Variants in BANP observed in about 807,000 individuals in gnomAD.
BANP encodes the protein protein BANP.
BANP carries 11 observed loss-of-function variants against 68.1 expected under a neutral mutation model. The ratio of observed to expected loss-of-function variants is 0.16; its 90% CI spans 0.10 to 0.27. The LOEUF (loss-of-function observed/expected upper bound fraction) is 0.27. Among genes scored for constraint, BANP ranks in the 10% least tolerant of loss-of-function variants. The pLI is 1.00. For synonymous variants in BANP, 329 were observed against 303.2 expected (o/e 1.09, Z -0.88); for missense variants, 504 against 722.7 (o/e 0.70, Z 3.47).
chr16:87,952,137 A>T (rs1308938487), intron 1 of BANP: 4 of 152,240 alleles, frequency 2.6e-5, no homozygotes, highest in Admixed American at 6.5e-5. Context: ...GATTTCTGTG[A>T]TCTAGTCCTT....
chr16:88,022,925 C>G (rs1369049852), intron 7 of BANP, among the ~76,000 whole-genome samples: 3 of 152,166 alleles, frequency 2.0e-5, no homozygotes, highest in African/African-American at 7.2e-5. Context: ...TGCAGAGACC[C>G]TAGTTCCCAG....
chr16:88,069,152 C>G (rs901205088), intron 12 of BANP, among the ~76,000 whole-genome samples: 9 of 152,162 alleles, frequency 5.9e-5, no homozygotes, highest in Non-Finnish European at 1.3e-4. Flanking sequence ...GCTGTCGCTG[C>G]GGGACCTCGG....
At position 88,006,120 on chromosome 16, in the gene BANP, T is replaced by A; in HGVS notation, c.510T>A (p.Ile170=). ...TGCCTGGGCGTCGGCAGAACACCAT[T>A]GTGGTGAAGGTGCCGGGCCAAGAAG... ...NAVPGRRQNT[I]VVKVPGQEDS... The change falls in exon 6 of 14, where the codon ATT becomes ATA. Residue 170 remains isoleucine, a synonymous_variant. Coordinates refer to ENST00000682872, the MANE Select transcript of BANP (RefSeq NM_001386991.1). 1 of 1,613,790 alleles carries A rather than the reference T, an allele frequency of 6.2e-7. No individual in the cohort carries two copies. The highest frequency in any genetic ancestry group is 8.5e-7 in the Non-Finnish European group (1 of 1,179,860).
At chr16:88,010,876 C>T (rs1341843422) in intron 6 of BANP, among the ~76,000 whole-genome samples, 4 of 152,222 alleles carry the variant, frequency 2.6e-5, no homozygotes, top group Admixed American at 2.6e-4. Context: ...ACACACCTCG[C>T]AGTGCACGGA....
At chr16:88,046,365 C>T (rs1361495130) in intron 11 of BANP, among the ~76,000 whole-genome samples, 2 of 152,184 alleles carry the variant, frequency 1.3e-5, no homozygotes, top group African/African-American at 2.4e-5. Context: ...ATCTGAACCT[C>T]ATCGCTGTAA....
rs35004805 is a variant in BANP at position 87,998,660 on chromosome 16, A to G, written c.363-5635A>G. On this transcript the variant is annotated intron_variant, in intron 4 of 13. Transcript: ENST00000682872. ...CCTGTCCTTCCAGACACCCAGACAC[A>G]TCTCCATGCATGCACGTGCGCGGCT... Among the ~76,000 whole-genome samples, 264 of 121,744 alleles carry G rather than the reference A, an allele frequency of 2.2e-3. 1 individual carries two copies. The highest frequency in any genetic ancestry group is 3.3e-3 in the South Asian group (12 of 3,624). 79.9% of individuals were successfully genotyped at this position (121,744 alleles called of 152,430 possible).
intron 11 of BANP, among the ~76,000 whole-genome samples, chr16:88,038,261 A>G (rs1598736139): frequency 6.6e-6 from 1 of 152,068 alleles, no homozygotes; most frequent in Non-Finnish European, 1.5e-5. Flanking sequence ...TCTCACATAC[A>G]GGCCATGGTG....
chr16:87,958,019 A>C (rs1178912207), intron 1 of BANP, among the ~76,000 whole-genome samples: 1 of 151,900 alleles, frequency 6.6e-6, no homozygotes, highest in Non-Finnish European at 1.5e-5. Flanking sequence ...TTCACACCCT[A>C]AGTGTTTTTA....
chr16:88,010,914 G>GCATTTAGCTACAAACATGCCTTGAA (rs11271660), intron 6 of BANP, among the ~76,000 whole-genome samples: 1 of 151,776 alleles, frequency 6.6e-6, no homozygotes, highest in South Asian at 2.1e-4. Context: ...GGAAAGGAGA[G>GCATTTAGCTACAAACATGCCTTGAA]CATTTATTTA....
intron 11 of BANP, among the ~76,000 whole-genome samples, chr16:88,059,623 G>A (rs1203440471): frequency 6.6e-6 from 1 of 152,124 alleles, no homozygotes. Context: ...GTTCCTGCAG[G>A]CATGTGCTGA....
At chr16:88,020,377 G>A (rs1224622166) in intron 7 of BANP, among the ~76,000 whole-genome samples, 2 of 152,234 alleles carry the variant, frequency 1.3e-5, no homozygotes, top group Admixed American at 6.5e-5. Context: ...ACACATCTGC[G>A]CACCAGACCA....
chr16:88,066,505 C>T (rs2088657388), intron 12 of BANP, among the ~76,000 whole-genome samples: 1 of 152,224 alleles, frequency 6.6e-6, no homozygotes, highest in African/African-American at 2.4e-5. Flanking sequence ...CGGTGTCTGA[C>T]ACTGTGGCCT....
At chr16:88,073,517 G>A (rs1006076823) in intron 13 of BANP, among the ~76,000 whole-genome samples, 11 of 152,062 alleles carry the variant, frequency 7.2e-5, no homozygotes, top group African/African-American at 2.7e-4. Context: ...GAAGCACGGT[G>A]AGGGCCATGG....
At position 88,002,174 on chromosome 16, in the gene BANP, A is replaced by C. The variant is rs2069590376; in HGVS notation, c.363-2121A>C. Among the ~76,000 whole-genome samples the C allele has an allele frequency of 6.6e-6, 1 of 151,744 alleles. No homozygotes were observed. Among genetic ancestry groups the C allele is most frequent in the Admixed American group, 6.6e-5 (1 of 15,224 alleles). On this transcript the variant is annotated intron_variant, in intron 4 of 13. Coordinates refer to ENST00000682872, the MANE Select transcript of BANP (RefSeq NM_001386991.1). The surrounding 1 kb of genome is among the most constrained non-coding windows in gnomAD (Gnocchi z 4.6). ...GGTCCTGCTGTTTTTGGTTTTTATA[A>C]CTCTGGGTGCTGGGAAACTTGGGTC...
At chr16:88,043,340 G>A (rs1598793496) in intron 11 of BANP, among the ~76,000 whole-genome samples, 1 of 152,190 alleles carries the variant, frequency 6.6e-6, no homozygotes, top group Non-Finnish European at 1.5e-5. Flanking sequence ...TGTGTTCTGG[G>A]TGCTTCTTCA....
In BANP at chr16:88,018,282, T is replaced by TG. The variant is rs2075068048; in HGVS notation, c.656-144dup. 9.1e-5 allele frequency: 95 copies of TG among 1,039,502 alleles called. No homozygotes were observed. The South Asian group carries it at 1.3e-3, about 15-fold the overall frequency. The allele number at this position is 1,039,502 out of a possible 1,614,324, so 64.4% of individuals were successfully genotyped here. On this transcript the variant is annotated intron_variant, in intron 6 of 13. Coordinates refer to ENST00000682872, the MANE Select transcript of BANP (RefSeq NM_001386991.1). The surrounding 1 kb of genome is among the most constrained non-coding windows in gnomAD (Gnocchi z 7.7). ...CAGCAGTCGGAGGCTCCAGCGCTCT[T>TG]GGTGACTGCCTCACAAGTTACGAGG...
chr16:88,036,842 GGT>G lies in BANP; in HGVS notation c.1273-1129_1273-1128del, dbSNP rs1286754958. ...GGGCCTTCCCTGTTCTGTGTCTGTG[GGT>G]GGGTCAGGGACCATCTCCTTGGAGA... is the stretch of plus-strand genomic sequence containing the variant. On this transcript the variant is annotated intron_variant, in intron 10 of 13. Coordinates refer to ENST00000682872, the MANE Select transcript of BANP (RefSeq NM_001386991.1). This position sits in a 1 kb window ranked among gnomAD's most constrained non-coding sequence, Gnocchi z 4.2. Among the ~76,000 whole-genome samples the G allele has an allele frequency of 1.3e-5, 2 of 152,162 alleles. No homozygotes were observed. The highest frequency in any genetic ancestry group is 2.9e-5 in the Non-Finnish European group (2 of 68,030).
chr16:88,052,732 C>G (rs1383051011), intron 11 of BANP, among the ~76,000 whole-genome samples: 1 of 151,514 alleles, frequency 6.6e-6, no homozygotes, highest in Non-Finnish European at 1.5e-5. Context: ...CCCAACCACC[C>G]TAACCACTAC....
At chr16:88,021,273 A>G (rs2152686176) in intron 7 of BANP, among the ~76,000 whole-genome samples, 1 of 152,286 alleles carries the variant, frequency 6.6e-6, no homozygotes, top group Admixed American at 6.5e-5. Context: ...GCTCTGGAGC[A>G]CGGTCCCCTG....
Sources: gnomAD v4.1 joint callset for allele counts (sites outside exome capture counted in the v4.1 genomes callset) on GRCh38, gnomAD v4.1.1 for gene constraint, Gnocchi (gnomAD v3.1) non-coding constraint, MANE v1.5 for transcripts, NCBI Gene and HGNC (gene_info 2026-07-23, HGNC 2026-07-21) for gene names.